NAALADL2: variants seen among roughly 807,000 people sequenced by gnomAD.
NAALADL2 encodes the protein inactive N-acetylated-alpha-linked acidic dipeptidase-like protein 2.
In NAALADL2, 76 loss-of-function variants were observed where a neutral mutation model predicts 87.2. That is an observed-to-expected ratio of 0.87 (90% confidence interval 0.72 to 1.05). The LOEUF is 1.05. Ranked by LOEUF, NAALADL2 falls within the 50% of genes least tolerant of loss-of-function variation. The pLI, the probability that NAALADL2 is intolerant of heterozygous loss-of-function variation, is 0.00. For missense variants in NAALADL2, 1,089 were observed against 945.8 expected, an observed-to-expected ratio of 1.15 and a Z score of -1.99; for synonymous variants, 354 against 331.0, an observed-to-expected ratio of 1.07 and a Z score of -0.75.
At chr3:175,748,421 C>T (rs1465610279) in intron 12 of NAALADL2, among the ~76,000 whole-genome samples, 1 of 152,166 alleles carries the variant, frequency 6.6e-6, no homozygotes, top group Non-Finnish European at 1.5e-5. Context: ...AGGTAATATA[C>T]ATTTTCCCCC....
chr3:174,561,562 G>T (rs1485224955), intron 2 of NAALADL2, among the ~76,000 whole-genome samples: 1 of 152,076 alleles, frequency 6.6e-6, no homozygotes, highest in African/African-American at 2.4e-5. Context: ...GATGAAGGAT[G>T]AGGAACCTGA....
At chr3:175,173,040 T>C (rs1240403276) in intron 2 of NAALADL2, among the ~76,000 whole-genome samples, 10 of 151,958 alleles carry the variant, frequency 6.6e-5, no homozygotes. Flanking sequence ...CCTATGATCC[T>C]GGCACTTTGG....
chr3:174,972,017 T>A (rs1036459871), intron 1 of NAALADL2, among the ~76,000 whole-genome samples: 3 of 152,010 alleles, frequency 2.0e-5, no homozygotes, highest in African/African-American at 7.2e-5. Context: ...TTCACCTACA[T>A]AACATACTAA....
At chr3:175,005,930 T>C (rs1748958085) in intron 1 of NAALADL2, among the ~76,000 whole-genome samples, 1 of 152,234 alleles carries the variant, frequency 6.6e-6, no homozygotes, top group Non-Finnish European at 1.5e-5. Flanking sequence ...ATTTGTAAGA[T>C]GTTGCAACAG....
At chr3:174,564,439 C>T (rs990402598) in intron 2 of NAALADL2, among the ~76,000 whole-genome samples, 8 of 151,954 alleles carry the variant, frequency 5.3e-5, no homozygotes, top group Non-Finnish European at 1.2e-4. Context: ...CGTGGAAACC[C>T]GGGGAACCCT....
intron 5 of NAALADL2, among the ~76,000 whole-genome samples, chr3:175,332,234 A>T (rs2110504725): frequency 6.6e-6 from 1 of 152,328 alleles, no homozygotes; most frequent in East Asian, 1.9e-4. Context: ...ATAATATTTG[A>T]AGGGAACCAT....
At chr3:175,208,354 A>G (rs1027518985) in intron 2 of NAALADL2, among the ~76,000 whole-genome samples, 1 of 152,092 alleles carries the variant, frequency 6.6e-6, no homozygotes, top group Non-Finnish European at 1.5e-5. Context: ...CTGCCATTAG[A>G]TCTGCCAGAA....
At chr3:175,201,130 T>C (rs1376234949) in intron 2 of NAALADL2, among the ~76,000 whole-genome samples, 1 of 152,188 alleles carries the variant, frequency 6.6e-6, no homozygotes, top group Non-Finnish European at 1.5e-5. Context: ...TCTATGTACC[T>C]GTGGAATATA....
At chr3:174,806,852 A>G (rs577696667) in intron 3 of NAALADL2, among the ~76,000 whole-genome samples, 2 of 152,108 alleles carry the variant, frequency 1.3e-5, no homozygotes, top group African/African-American at 4.8e-5. Flanking sequence ...ATTATAGTTT[A>G]TAGTGCATTT....
At chr3:175,449,597 G>A (rs2080075663) in intron 6 of NAALADL2, among the ~76,000 whole-genome samples, 1 of 151,834 alleles carries the variant, frequency 6.6e-6, no homozygotes, top group African/African-American at 2.4e-5. Flanking sequence ...GTCTCACCAT[G>A]TTAACCAGGA....
intron 3 of NAALADL2, among the ~76,000 whole-genome samples, chr3:174,757,043 A>C (rs1383714508): frequency 1.3e-5 from 2 of 152,226 alleles, no homozygotes; most frequent in Non-Finnish European, 2.9e-5. Flanking sequence ...TTGCAAAATA[A>C]TTGTCAGTAT....
At chr3:175,751,460 G>A (rs938955547) in intron 12 of NAALADL2, among the ~76,000 whole-genome samples, 4 of 151,960 alleles carry the variant, frequency 2.6e-5, no homozygotes, top group African/African-American at 9.7e-5. Context: ...TTTAAAAAAT[G>A]GGTTTGTAGT....
At chr3:174,480,403 CTTGGA>C (rs1717477329) in intron 1 of NAALADL2, among the ~76,000 whole-genome samples, 1 of 152,022 alleles carries the variant, frequency 6.6e-6, no homozygotes, top group Non-Finnish European at 1.5e-5. Context: ...CTTTTTCACT[CTTGGA>C]ATGGTCCCAC....
chr3:174,899,345 A>T (rs1410713154), intron 1 of NAALADL2, among the ~76,000 whole-genome samples: 1 of 152,220 alleles, frequency 6.6e-6, no homozygotes, highest in East Asian at 1.9e-4. Flanking sequence ...CCCAAATCTC[A>T]TGTTGAAACA....
At chr3:175,436,547 C>A (rs1718705100) in intron 5 of NAALADL2, among the ~76,000 whole-genome samples, 1 of 146,878 alleles carries the variant, frequency 6.8e-6, no homozygotes, top group Admixed American at 7.0e-5. Context: ...GCCATTCTAA[C>A]TGGTGTGAGA....
At chr3:174,543,304 C>T (rs527350335) in intron 1 of NAALADL2, among the ~76,000 whole-genome samples, 14 of 152,072 alleles carry the variant, frequency 9.2e-5, no homozygotes, top group African/African-American at 2.7e-4. Context: ...TAGATGAAGT[C>T]GGCTGAATGG....
intron 2 of NAALADL2, among the ~76,000 whole-genome samples, chr3:174,615,691 T>TCTCTTCTTCCTGCTGCCTCTCTC (rs1720395376): frequency 6.6e-6 from 1 of 152,088 alleles, no homozygotes; most frequent in African/African-American, 2.4e-5. Flanking sequence ...CTCCCTCTTT[T>TCTCTTCTTCCTGCTGCCTCTCTC]CTCTTCTTCC....
At chr3:174,727,432 T>A (rs1370267827) in intron 2 of NAALADL2, among the ~76,000 whole-genome samples, 1 of 152,060 alleles carries the variant, frequency 6.6e-6, no homozygotes, top group Admixed American at 6.6e-5. Flanking sequence ...GGAGCATGGG[T>A]ACTACCATAT....
intron 2 of NAALADL2, among the ~76,000 whole-genome samples, chr3:174,627,994 C>T (rs961161670): frequency 3.3e-5 from 5 of 152,104 alleles, no homozygotes; most frequent in African/African-American, 1.2e-4. Context: ...GTACAATGTG[C>T]ACTATTCAGG....
Sources: gnomAD v4.1 joint callset for allele counts (sites outside exome capture counted in the v4.1 genomes callset) on GRCh38, gnomAD v4.1.1 for gene constraint, MANE v1.5 for transcripts, NCBI Gene and HGNC (gene_info 2026-07-23, HGNC 2026-07-21) for gene names.